The following GOT2 variants were observed in gnomAD, a reference collection of about 807,000 sequenced individuals.
The protein encoded by GOT2 is glutamic-oxaloacetic transaminase 2, also known as aspartate aminotransferase, mitochondrial.
A neutral mutation model predicts 50.0 loss-of-function variants in GOT2; 17 were observed. The observed-to-expected ratio is 0.34, with a 90% CI of 0.23 to 0.51. GOT2 has a LOEUF of 0.51. Ranked by LOEUF, GOT2 falls within the 20% of genes least tolerant of loss-of-function variation. The probability of loss-of-function intolerance (pLI) is 0.97; values close to 1 mark genes in which losing one functional copy is unlikely to be tolerated. For synonymous variants in GOT2, 172 were observed against 204.9 expected, an observed-to-expected ratio of 0.84 and a Z score of 1.37; for missense variants, 430 against 559.6, an observed-to-expected ratio of 0.77 and a Z score of 2.34.
intron 1 of GOT2, among the ~76,000 whole-genome samples, chr16:58,728,581 T>C (rs257619): frequency 0.69 from 105,501 of 152,136 alleles, 37,130 homozygotes; most frequent in Middle Eastern, 0.86. Context: ...GTCCTTTCTG[T>C]TTTTCTTTCT....
rs563090955 is a variant in GOT2, at chr16:58,714,796, T to A, written c.1019+1218A>T. On this transcript the variant is annotated intron_variant, in intron 8 of 9. Transcript: ENST00000245206. ...TGAGTCTGGAAGACAGTTTCAGTTATATACACATATAAGTATATAATATGT... is the reference window on the plus strand; with the variant it reads ...TGAGTCTGGAAGACAGTTTCAGTTAAATACACATATAAGTATATAATATGT... Among the ~76,000 whole-genome samples, 27 of 152,234 alleles carry A rather than the reference T, an allele frequency of 1.8e-4. 1 individual carries two copies. In the South Asian group the frequency reaches 1.9e-3, roughly 11 times the overall value.
chr16:58,721,997 C>G, intron 3 of GOT2, 153 bp downstream of exon 3: 1 of 653,032 alleles, frequency 1.5e-6, no homozygotes, highest in Non-Finnish European at 2.6e-6. Context: ...TCAGGCTGGT[C>G]TCGAACTCCC....
At chr16:58,721,641 T>G (rs1037686787) in intron 3 of GOT2, 1 of 152,476 alleles carries the variant, frequency 6.6e-6, no homozygotes, top group African/African-American at 2.4e-5. Context: ...TTACTACTAG[T>G]ACATTTTTGG....
chr16:58,731,126 T>A (rs1296240786), intron 1 of GOT2, among the ~76,000 whole-genome samples: 3 of 152,116 alleles, frequency 2.0e-5, no homozygotes, highest in African/African-American at 7.2e-5. Context: ...GCAGAGACAA[T>A]AGCACAGCTG....
At position 58,719,307 on chromosome 16, in the gene GOT2, C is replaced by T. The variant is rs765032835; in HGVS notation, c.376-52G>A. 4.6e-6 allele frequency: 6 copies of T among 1,303,862 alleles called. No homozygotes were observed. In the Admixed American group the frequency reaches 8.4e-5, roughly 18 times the overall value. The allele number at this position is 1,303,862 out of a possible 1,614,324, so 80.8% of individuals were successfully genotyped here. A position where few individuals can be genotyped will look rare whatever the true frequency, so the allele number is the denominator to read the frequency against. On this transcript the variant is annotated intron_variant, in intron 3 of 9. Transcript: ENST00000245206. ...GATGTGCAACACTCTCTATACAGGC[C>T]CAGACCCAGGGCCACTGCTTTGTCC... is the stretch of plus-strand genomic sequence containing the variant.
At chr16:58,713,616 T>C (rs373854905) in intron 8 of GOT2, among the ~76,000 whole-genome samples, 1 of 151,898 alleles carries the variant, frequency 6.6e-6, no homozygotes, top group African/African-American at 2.4e-5. Flanking sequence ...CTAGGGGAGG[T>C]ACATATCAAG....
intron 1 of GOT2, among the ~76,000 whole-genome samples, chr16:58,729,721 TTC>T (rs1247468093): frequency 8.3e-6 from 1 of 120,436 alleles, no homozygotes. Flanking sequence ...CTTTTAAGAA[TTC>T]TTTTTTTTTG....
At chr16:58,710,257 A>C (rs1484089221) in intron 8 of GOT2, among the ~76,000 whole-genome samples, 1 of 151,756 alleles carries the variant, frequency 6.6e-6, no homozygotes, top group South Asian at 2.1e-4. Flanking sequence ...TCAGTCTATC[A>C]CCCAGGCTGG....
rs865977837 is a variant in GOT2, at chr16:58,708,493, T to A, written c.1171-200A>T. Reference sequence around the variant, plus strand: ...GGTGGCTCACACTTGTAATCCCAGCTATTCAGGAGGCTAAGGCAGGAGAAT... The same window carrying A: ...GGTGGCTCACACTTGTAATCCCAGCAATTCAGGAGGCTAAGGCAGGAGAAT... On this transcript the variant is annotated intron_variant, in intron 9 of 9. Coordinates refer to ENST00000245206, the MANE Select transcript of GOT2 (RefSeq NM_002080.4). Among the ~76,000 whole-genome samples the A allele has an allele frequency of 2.4e-4, 36 of 151,994 alleles. No homozygotes were observed. The Middle Eastern group carries it at 0.014, about 58-fold the overall frequency.
At chr16:58,710,739 GGGCGGA>G (rs2044640290) in intron 8 of GOT2, among the ~76,000 whole-genome samples, 1 of 59,322 alleles carries the variant, frequency 1.7e-5, no homozygotes, top group Non-Finnish European at 4.8e-5. Flanking sequence ...AAAATTAGCC[GGGCGGA>G]TCACGAGGTC....
At chr16:58,710,396 C>CTTTTT (rs774270272) in intron 8 of GOT2, among the ~76,000 whole-genome samples, 20 of 138,736 alleles carry the variant, frequency 1.4e-4, no homozygotes, top group Non-Finnish European at 1.6e-4. Context: ...ATTTTCTTTT[C>CTTTTT]TTTTTTTTTT....
intron 8 of GOT2, 48 bp from the exon 9 acceptor site, chr16:58,709,615 G>A (rs756210616): frequency 4.7e-5 from 73 of 1,537,374 alleles, no homozygotes; most frequent in Non-Finnish European, 6.0e-5. Flanking sequence ...AGCACTGACC[G>A]ATATGCTGGA....
At chr16:58,718,400 A>C (rs570931600) in intron 5 of GOT2, 100 bp from the exon 6 acceptor site, 93 of 1,343,284 alleles carry the variant, frequency 6.9e-5, no homozygotes, top group Non-Finnish European at 8.8e-5. Flanking sequence ...TAACAAAGGT[A>C]ACCAGAACCC....
chr16:58,727,973 C>T (rs1345613700), intron 1 of GOT2, among the ~76,000 whole-genome samples: 1 of 86,606 alleles, frequency 1.2e-5, no homozygotes, highest in Admixed American at 1.1e-4. Flanking sequence ...ATGAACATTT[C>T]TTTCCCAACA....
At chr16:58,728,319 C>T (rs184866586) in intron 1 of GOT2, among the ~76,000 whole-genome samples, 1 of 152,282 alleles carries the variant, frequency 6.6e-6, no homozygotes, top group African/African-American at 2.4e-5. Flanking sequence ...GTAAATCAAG[C>T]ATCAACTTTC....
Position 58,708,311 on chromosome 16 carries a change from C to T in GOT2, c.1171-18G>A, listed in dbSNP as rs2152092880. On this transcript the variant is annotated intron_variant, in intron 9 of 9. Transcript: ENST00000245206. Reference sequence around the variant, plus strand: ...CGCTCCACCTGCAGAGAGGAAAGAACTTGGGTACCTCTTCCCGGTACAGGG... The same window carrying T: ...CGCTCCACCTGCAGAGAGGAAAGAATTTGGGTACCTCTTCCCGGTACAGGG... 1 of 1,612,294 alleles carries T rather than the reference C, an allele frequency of 6.2e-7. No homozygotes were observed. Among genetic ancestry groups the T allele is most frequent in the East Asian group, 2.2e-5 (1 of 44,822 alleles).
At chr16:58,717,434 G>A (rs1332035556) in intron 6 of GOT2, among the ~76,000 whole-genome samples, 4 of 152,060 alleles carry the variant, frequency 2.6e-5, no homozygotes, top group Admixed American at 2.0e-4. Flanking sequence ...GAGTGAAAAG[G>A]GAAAACAGGG....
intron 4 of GOT2, 92 bp from the exon 5 acceptor site, chr16:58,718,780 T>G: frequency 1.9e-6 from 2 of 1,032,430 alleles, no homozygotes; most frequent in Non-Finnish European, 2.8e-6. Flanking sequence ...TTTTCTCTGC[T>G]GAAACCCAGT....
chr16:58,716,588 A>ACACACACC (rs1491496050), intron 7 of GOT2, 75 bp downstream of exon 7: 38 of 1,234,474 alleles, frequency 3.1e-5, no homozygotes, highest in Non-Finnish European at 3.5e-5. Context: ...ACACACACAC[A>ACACACACC]CCCACAAGCT....
Sources: gnomAD v4.1 joint callset for allele counts (sites outside exome capture counted in the v4.1 genomes callset) on GRCh38, gnomAD v4.1.1 for gene constraint, MANE v1.5 for transcripts, NCBI Gene and HGNC (gene_info 2026-07-23, HGNC 2026-07-21) for gene names.